The following CNTLN variants were observed in gnomAD, a reference collection of about 807,000 sequenced individuals.
CNTLN encodes centlein, centrosomal protein.
A neutral mutation model predicts 180.0 loss-of-function variants in CNTLN; 212 were observed. That is an observed-to-expected ratio of 1.18 (90% CI 1.05 to 1.32). CNTLN has a LOEUF of 1.32. Among genes scored for constraint, CNTLN ranks in the 40% most tolerant of loss-of-function variants. CNTLN has a pLI of 0.00. For synonymous variants in CNTLN, 722 were observed against 563.1 expected (o/e 1.28, Z -3.99); for missense variants, 2,095 against 1,610.9 (o/e 1.30, Z -5.14).
Position 17,136,586 on chromosome 9 carries a change from T to C in CNTLN, c.360+1161T>C, listed in dbSNP as rs371524978. Among the ~76,000 whole-genome samples the C allele has an allele frequency of 1.3e-4, 20 of 152,322 alleles. 1 individual carries two copies. The highest frequency in any genetic ancestry group is 4.8e-4 in the African/African-American group (20 of 41,576). ...CCTCGTGGTCCGCCAGCCTTGGCCT[T>C]CCAAAGTGCTGGGATTACAGAAATT... On this transcript the variant is annotated intron_variant, in intron 1 of 25. Transcript: ENST00000380647.
At chr9:17,302,270 C>G (rs561676207) in intron 7 of CNTLN, among the ~76,000 whole-genome samples, 1 of 151,732 alleles carries the variant, frequency 6.6e-6, no homozygotes, top group South Asian at 2.1e-4. Flanking sequence ...GATCTCGACT[C>G]ACTGCAACCT....
intron 16 of CNTLN, 85 bp downstream of exon 16, chr9:17,409,558 C>T (rs2584549): frequency 0.83 from 773,039 of 933,864 alleles, 321,577 homozygotes; most frequent in Non-Finnish European, 0.85. Context: ...AATGTTACTA[C>T]TGATTTAATT....
intron 6 of CNTLN, among the ~76,000 whole-genome samples, chr9:17,282,108 G>T (rs1318977167): frequency 6.6e-6 from 1 of 152,104 alleles, no homozygotes; most frequent in Admixed American, 6.6e-5. Flanking sequence ...GACTACAGGT[G>T]TGTGCCACCA....
the CNTLN span, among the ~76,000 whole-genome samples, chr9:17,511,670 A>G: frequency 6.6e-6 from 1 of 150,408 alleles, no homozygotes; most frequent in Non-Finnish European, 1.5e-5. Flanking sequence ...ACACACACAC[A>G]CGCACACGTG....
intron 2 of CNTLN, among the ~76,000 whole-genome samples, chr9:17,205,307 T>C (rs796428038): frequency 6.6e-6 from 1 of 152,158 alleles, no homozygotes; most frequent in Non-Finnish European, 1.5e-5. Context: ...ATAAATGATA[T>C]AATAAGCAAA....
intron 13 of CNTLN, among the ~76,000 whole-genome samples, chr9:17,379,399 T>C (rs1451048517): frequency 6.7e-6 from 1 of 150,342 alleles, no homozygotes; most frequent in Non-Finnish European, 1.5e-5. Context: ...TATGACACTT[T>C]GCCCTGCAAA....
At chr9:17,452,279 G>C (rs537629102) in intron 18 of CNTLN, among the ~76,000 whole-genome samples, 1 of 152,210 alleles carries the variant, frequency 6.6e-6, no homozygotes, top group South Asian at 2.1e-4. Context: ...ATGTTTACCA[G>C]GTCTCCCTGA....
intron 25 of CNTLN, among the ~76,000 whole-genome samples, chr9:17,497,858 C>T (rs530819004): frequency 1.1e-4 from 16 of 152,192 alleles, no homozygotes; most frequent in South Asian, 6.2e-4. Context: ...TGGATGCTAA[C>T]GACGCAGATT....
the CNTLN span, among the ~76,000 whole-genome samples, chr9:17,513,304 T>C: frequency 6.6e-6 from 1 of 151,880 alleles, no homozygotes; most frequent in East Asian, 1.9e-4. Flanking sequence ...CAAAAACCTA[T>C]GAGACATAGC....
chr9:17,292,354 G>T (rs902836157), intron 6 of CNTLN, among the ~76,000 whole-genome samples: 1 of 152,114 alleles, frequency 6.6e-6, no homozygotes, highest in African/African-American at 2.4e-5. Context: ...GGCCTATCTT[G>T]TTAGGTTAGG....
intron 2 of CNTLN, among the ~76,000 whole-genome samples, chr9:17,169,283 C>T (rs1296093327): frequency 6.6e-6 from 1 of 152,130 alleles, no homozygotes; most frequent in Non-Finnish European, 1.5e-5. Context: ...CAGGTCTGAG[C>T]CACCACACTT....
intron 15 of CNTLN, among the ~76,000 whole-genome samples, chr9:17,396,650 A>G (rs761371304): frequency 1.3e-5 from 2 of 152,182 alleles, no homozygotes; most frequent in Non-Finnish European, 2.9e-5. Flanking sequence ...ACTTGTTTGC[A>G]TATTAGAAGC....
At chr9:17,305,170 G>T (rs1055382737) in intron 7 of CNTLN, among the ~76,000 whole-genome samples, 1 of 152,018 alleles carries the variant, frequency 6.6e-6, no homozygotes, top group Non-Finnish European at 1.5e-5. Context: ...TTTCTAACTT[G>T]CTTTCTGTCC....
intron 5 of CNTLN, among the ~76,000 whole-genome samples, chr9:17,241,832 C>G (rs1294148105): frequency 6.6e-6 from 1 of 151,908 alleles, no homozygotes; most frequent in African/African-American, 2.4e-5. Flanking sequence ...GGATTACTTT[C>G]TTAATTTTTT....
chr9:17,269,692 G>GA (rs1193351489), intron 5 of CNTLN, among the ~76,000 whole-genome samples: 2 of 152,124 alleles, frequency 1.3e-5, no homozygotes, highest in African/African-American at 4.8e-5. Flanking sequence ...CTGTCATGGA[G>GA]AATGTTTCAT....
chr9:17,455,017 C>T (rs573186986), intron 18 of CNTLN, among the ~76,000 whole-genome samples: 2 of 152,184 alleles, frequency 1.3e-5, no homozygotes, highest in African/African-American at 4.8e-5. Context: ...CTCTTTCTAA[C>T]AAGGTCACCC....
At chr9:17,270,758 G>T (rs184007600) in intron 5 of CNTLN, among the ~76,000 whole-genome samples, 2 of 151,900 alleles carry the variant, frequency 1.3e-5, no homozygotes, top group Non-Finnish European at 2.9e-5. Flanking sequence ...TTGATTAAAT[G>T]TGTTGATATT....
intron 2 of CNTLN, among the ~76,000 whole-genome samples, chr9:17,217,695 A>G (rs1017878163): frequency 1.3e-5 from 2 of 152,348 alleles, no homozygotes; most frequent in African/African-American, 2.4e-5. Flanking sequence ...ATAATGCACA[A>G]TCATAAAAGG....
chr9:17,442,591 G>T (rs779076338), intron 18 of CNTLN, among the ~76,000 whole-genome samples: 9 of 152,086 alleles, frequency 5.9e-5, no homozygotes, highest in Non-Finnish European at 1.3e-4. Context: ...GAGAGACAAG[G>T]TTTCGCCATG....
Sources: allele counts gnomAD v4.1 joint callset (sites outside exome capture counted in the v4.1 genomes callset), GRCh38; gene constraint gnomAD v4.1.1; transcripts MANE v1.5; gene names NCBI Gene and HGNC (gene_info 2026-07-23, HGNC 2026-07-21).